ANP32A: variants seen among roughly 807,000 people sequenced by gnomAD.
ANP32A encodes the protein acidic leucine-rich nuclear phosphoprotein 32 family member A.
A neutral mutation model predicts 33.9 loss-of-function variants in ANP32A; 1 was observed. The observed-to-expected ratio is 0.03, with a 90% CI of 0.01 to 0.14. ANP32A has a LOEUF of 0.14. Among genes scored for constraint, ANP32A ranks in the 10% least tolerant of loss-of-function variants. The pLI, the probability that ANP32A is intolerant of heterozygous loss-of-function variation, is 1.00. For synonymous variants in ANP32A, 115 were observed against 120.5 expected, an observed-to-expected ratio of 0.95 and a Z score of 0.30; for missense variants, 155 against 306.0, an observed-to-expected ratio of 0.51 and a Z score of 3.68.
Position 68,780,134 on chromosome 15 carries a change from T to TTTC in ANP32A, c.694_696dup (p.Glu232dup). 6.2e-7 allele frequency: 1 copy of TTTC among 1,613,708 alleles called. No individual in the cohort carries two copies. The highest frequency in any genetic ancestry group is 1.1e-5 in the South Asian group (1 of 91,080). ...GGTTCTCGTTTTCGCTTCTGACCCC[T>TTTC]TTCTTCTTCTGGAAAAGTAAGAAAG... On this transcript the variant is annotated inframe_insertion, in exon 7 of 7. Transcript: ENST00000465139. The surrounding 1 kb of genome is among the most constrained non-coding windows in gnomAD (Gnocchi z 4.3).
At chr15:68,783,089 G>A in intron 4 of ANP32A, 36 bp from the exon 5 acceptor site, 1 of 1,551,124 alleles carries the variant, frequency 6.4e-7, no homozygotes, top group African/African-American at 1.4e-5. Context: ...AACAGAACTA[G>A]TGGTGAGCTG....
chr15:68,807,995 C>T (rs773962047), intron 1 of ANP32A, among the ~76,000 whole-genome samples: 1 of 152,186 alleles, frequency 6.6e-6, no homozygotes, highest in East Asian at 1.9e-4. Flanking sequence ...ATGAGCAGAA[C>T]GTGGTTGTGT....
chr15:68,812,040 T>A (rs1894319677), intron 1 of ANP32A, among the ~76,000 whole-genome samples: 1 of 152,122 alleles, frequency 6.6e-6, no homozygotes, highest in African/African-American at 2.4e-5. Flanking sequence ...TAAGTTGTTT[T>A]TTTTTTTTTT....
At chr15:68,782,785 T>C in intron 5 of ANP32A, 171 bp downstream of exon 5, 1 of 1,238,980 alleles carries the variant, frequency 8.1e-7, no homozygotes. Context: ...GCAAGTCTTG[T>C]CTCCCCAGAA....
chr15:68,781,406 T>C (rs1327056709), intron 5 of ANP32A: 2 of 107,210 alleles, frequency 1.9e-5, no homozygotes, highest in South Asian at 3.4e-4. Context: ...AAACCTCACA[T>C]GCAGCACTCC....
chr15:68,801,299 G>GT (rs1223905200), intron 1 of ANP32A, among the ~76,000 whole-genome samples: 1 of 151,400 alleles, frequency 6.6e-6, no homozygotes, highest in Admixed American at 6.6e-5. Context: ...ATGTTTCCAG[G>GT]TAGAAATGGG....
chr15:68,792,114 T>C (rs769421681), intron 1 of ANP32A: 1 of 151,478 alleles, frequency 6.6e-6, no homozygotes, highest in South Asian at 2.1e-4. Flanking sequence ...ACCCAGGGTG[T>C]GTTCTGCTTT....
chr15:68,781,896 G>C (rs1053040834), intron 5 of ANP32A, among the ~76,000 whole-genome samples: 1 of 152,170 alleles, frequency 6.6e-6, no homozygotes, highest in Non-Finnish European at 1.5e-5. Flanking sequence ...GAGCCACCGC[G>C]CCTGGCCTCC....
intron 1 of ANP32A, among the ~76,000 whole-genome samples, chr15:68,809,700 G>A (rs1389660151): frequency 6.6e-6 from 1 of 152,154 alleles, no homozygotes. Flanking sequence ...TGGGGGTGCG[G>A]GTGTGAAGGT....
Position 68,820,405 on chromosome 15 carries a change from C to T in ANP32A, c.54+293G>A, listed in dbSNP as rs1361570299. 2.6e-5 allele frequency among the ~76,000 whole-genome samples: 4 copies of T among 152,176 alleles called. No individual in the cohort carries two copies. The East Asian group carries it at 5.8e-4, about 22-fold the overall frequency. ...TCTCTCCGACCCAAACGCGTGCGCC[C>T]GCCGGCCCCCGATGGGTGCACACTC... On this transcript the variant is annotated intron_variant, in intron 1 of 6. Coordinates refer to ENST00000465139, the MANE Select transcript of ANP32A (RefSeq NM_006305.4).
intron 1 of ANP32A, among the ~76,000 whole-genome samples, chr15:68,804,551 G>A (rs1286526933): frequency 6.6e-6 from 1 of 152,154 alleles, no homozygotes; most frequent in East Asian, 1.9e-4. Flanking sequence ...GTCTTCCCTT[G>A]TTTTCTGAGT....
intron 1 of ANP32A, among the ~76,000 whole-genome samples, chr15:68,793,942 T>C (rs1224708735): frequency 6.6e-6 from 1 of 152,194 alleles, no homozygotes; most frequent in Non-Finnish European, 1.5e-5. Flanking sequence ...GAGTAAGAAC[T>C]GCTCCTTCTT....
At chr15:68,819,436 C>G (rs1894439970) in intron 1 of ANP32A, among the ~76,000 whole-genome samples, 1 of 152,242 alleles carries the variant, frequency 6.6e-6, no homozygotes, top group South Asian at 2.1e-4. Flanking sequence ...GATTCCCACC[C>G]GTGTAAGTTT....
intron 1 of ANP32A, among the ~76,000 whole-genome samples, chr15:68,798,660 GGAAA>G (rs1434828718): frequency 6.6e-6 from 1 of 152,142 alleles, no homozygotes; most frequent in African/African-American, 2.4e-5. Flanking sequence ...TGAAGCAAGA[GGAAA>G]GAAAGGTGGA....
At chr15:68,815,767 C>T (rs1894372232) in intron 1 of ANP32A, among the ~76,000 whole-genome samples, 1 of 152,186 alleles carries the variant, frequency 6.6e-6, no homozygotes, top group African/African-American at 2.4e-5. Flanking sequence ...GTGCCACCTA[C>T]CAGTTGCTCA....
chr15:68,805,523 C>T (rs1165544610), intron 1 of ANP32A, among the ~76,000 whole-genome samples: 1 of 152,238 alleles, frequency 6.6e-6, no homozygotes, highest in Non-Finnish European at 1.5e-5. Context: ...AGGCAGAGGG[C>T]TGGAGCCCAA....
rs1191698548 is a variant in ANP32A, at chr15:68,782,989, TTCC to T, written c.588_590del (p.Glu197del). ...CTCCACTCACGTCCTCCTCTTCACC[TTCC>T]TCCTCCTCATCCTCGTCCTCCTCGT... On this transcript the variant is annotated inframe_deletion, in exon 5 of 7. Transcript: ENST00000465139. The T allele has an allele frequency of 1.4e-5, 22 of 1,551,138 alleles. No homozygotes were observed. The highest frequency in any genetic ancestry group is 9.8e-5 in the East Asian group (4 of 40,912).
chr15:68,784,270 A>T, intron 4 of ANP32A, 127 bp downstream of exon 4: 1 of 1,086,176 alleles, frequency 9.2e-7, no homozygotes, highest in Non-Finnish European at 1.3e-6. Context: ...TACCAGACAG[A>T]CAGCCAGCCT....
chr15:68,804,390 A>G (rs978693867), intron 1 of ANP32A, among the ~76,000 whole-genome samples: 1 of 152,234 alleles, frequency 6.6e-6, no homozygotes, highest in East Asian at 1.9e-4. Flanking sequence ...CAGAGTGAGC[A>G]TAATTCCATT....
Sources: gnomAD v4.1 joint callset for allele counts (sites outside exome capture counted in the v4.1 genomes callset) on GRCh38, gnomAD v4.1.1 for gene constraint, Gnocchi (gnomAD v3.1) non-coding constraint, MANE v1.5 for transcripts, NCBI Gene and HGNC (gene_info 2026-07-23, HGNC 2026-07-21) for gene names.